EPHA6: variants seen among roughly 807,000 people sequenced by gnomAD.
EPHA6 encodes ephrin type-A receptor 6.
A neutral mutation model predicts 112.0 loss-of-function variants in EPHA6; 50 were observed. That is an observed-to-expected ratio of 0.45 (90% CI 0.36 to 0.56). The LOEUF (loss-of-function observed/expected upper bound fraction) is 0.56, where lower values mean the gene tolerates loss of function less well. EPHA6 is among the 20% of genes least tolerant of loss of function. EPHA6 has a pLI of 0.00. For synonymous variants in EPHA6, 529 were observed against 490.7 expected, an observed-to-expected ratio of 1.08 and a Z score of -1.03; for missense variants, 1,280 against 1,417.4, an observed-to-expected ratio of 0.90 and a Z score of 1.56.
chr3:97,513,409 G>T lies in EPHA6; in HGVS notation c.2201-18949G>T, dbSNP rs139296412. The stretch of plus-strand genomic sequence containing the variant: ...CACTATTCACAACAACCAAGATATT[G>T]AATCAACCTAAGTGTCCACCAACAG... On this transcript the variant is annotated intron_variant, in intron 10 of 17. Transcript: ENST00000389672. Among the ~76,000 whole-genome samples, 993 of 152,210 alleles carry T rather than the reference G, an allele frequency of 6.5e-3. 12 individuals are homozygous for T. The highest frequency in any genetic ancestry group is 0.022 in the African/African-American group (914 of 41,508).
intron 2 of EPHA6, among the ~76,000 whole-genome samples, chr3:96,897,256 G>A (rs2038331615): frequency 6.6e-6 from 1 of 150,746 alleles, no homozygotes; most frequent in South Asian, 2.1e-4. Flanking sequence ...TGTTTATCAA[G>A]GCTGTTCATG....
intron 1 of EPHA6, among the ~76,000 whole-genome samples, chr3:96,819,010 T>G (rs184673459): frequency 2.5e-4 from 38 of 152,094 alleles, no homozygotes; most frequent in African/African-American, 6.3e-4. Flanking sequence ...ATAAAATGTT[T>G]TTATGCAGTT....
At chr3:97,437,106 T>C (rs1423979969) in intron 6 of EPHA6, among the ~76,000 whole-genome samples, 2 of 152,068 alleles carry the variant, frequency 1.3e-5, no homozygotes, top group Non-Finnish European at 2.9e-5. Flanking sequence ...ATTTTATGTG[T>C]GGCCCAAGAC....
intron 5 of EPHA6, among the ~76,000 whole-genome samples, chr3:97,321,626 A>C (rs939750123): frequency 6.6e-6 from 1 of 151,964 alleles, no homozygotes; most frequent in African/African-American, 2.4e-5. Flanking sequence ...ATATCATCTG[A>C]AAATCTATCT....
intron 7 of EPHA6, among the ~76,000 whole-genome samples, chr3:97,461,161 A>G (rs925863116): frequency 1.3e-5 from 2 of 152,168 alleles, no homozygotes; most frequent in African/African-American, 4.8e-5. Flanking sequence ...AAGAAAAGGA[A>G]GAACTTATAC....
intron 2 of EPHA6, among the ~76,000 whole-genome samples, chr3:96,920,040 T>C (rs1576034725): frequency 6.6e-6 from 1 of 151,906 alleles, no homozygotes; most frequent in Admixed American, 6.6e-5. Context: ...CGAGATTTCT[T>C]AAAGACTACT....
chr3:97,655,222 C>T (rs1458372852), intron 14 of EPHA6, among the ~76,000 whole-genome samples: 3 of 151,240 alleles, frequency 2.0e-5, no homozygotes, highest in African/African-American at 7.3e-5. Context: ...ATGATTTACA[C>T]AAGTCACACG....
At chr3:97,637,515 GAAAGT>G (rs1021687026) in intron 13 of EPHA6, among the ~76,000 whole-genome samples, 4 of 152,024 alleles carry the variant, frequency 2.6e-5, no homozygotes, top group Non-Finnish European at 5.9e-5. Flanking sequence ...CACAGCTATG[GAAAGT>G]GGATTCTATT....
At chr3:97,033,209 A>G (rs1486396144) in intron 3 of EPHA6, among the ~76,000 whole-genome samples, 1 of 151,996 alleles carries the variant, frequency 6.6e-6, no homozygotes, top group Non-Finnish European at 1.5e-5. Flanking sequence ...TTTAAGCTTT[A>G]CTATGTGTAC....
intron 5 of EPHA6, among the ~76,000 whole-genome samples, chr3:97,312,686 T>A (rs1277897833): frequency 1.3e-5 from 2 of 151,520 alleles, no homozygotes; most frequent in Admixed American, 1.3e-4. Context: ...AGTTTTTTTT[T>A]AAATAAATGG....
chr3:96,907,858 G>A (rs1236234950), intron 2 of EPHA6, among the ~76,000 whole-genome samples: 2 of 151,844 alleles, frequency 1.3e-5, no homozygotes, highest in Non-Finnish European at 2.9e-5. Context: ...TGTTCTTTCT[G>A]TATGAGTTCA....
rs2093962983 is a variant in EPHA6 at position 97,637,885 on chromosome 3, C to G, written c.2587C>G (p.His863Asp). ...GATTCTCTTGCAGAAGCATGATGGC[C>G]ACTTCACAGTCATCCAGTTGGTCGG... ...LDSFLRKHDGHFTVIQLVGML... is the reference protein window; with the variant it reads ...LDSFLRKHDGDFTVIQLVGML... Residue 863 changes from histidine (H) to aspartate (D), a missense_variant, in exon 14 of 18, where the codon CAC becomes GAC. This residue lies in a region of EPHA6 where 878 missense variants were observed against 999.7 expected (regional missense o/e 0.88). Coordinates refer to ENST00000389672, the MANE Select transcript of EPHA6 (RefSeq NM_001080448.3). 1 of 1,613,582 alleles carries G rather than the reference C, an allele frequency of 6.2e-7. No individual in the cohort carries two copies. The highest frequency in any genetic ancestry group is 8.5e-7 in the Non-Finnish European group (1 of 1,179,674).
intron 3 of EPHA6, among the ~76,000 whole-genome samples, chr3:97,136,409 A>G (rs2075770804): frequency 6.6e-6 from 1 of 152,162 alleles, no homozygotes; most frequent in Non-Finnish European, 1.5e-5. Flanking sequence ...GTGTATTAGA[A>G]AAGGCTGAAT....
chr3:97,685,421 A>G (rs2032177832), intron 14 of EPHA6, among the ~76,000 whole-genome samples: 1 of 152,206 alleles, frequency 6.6e-6, no homozygotes, highest in Admixed American at 6.6e-5. Flanking sequence ...ATTACACTAC[A>G]GTGTCATATA....
intron 2 of EPHA6, among the ~76,000 whole-genome samples, chr3:96,888,279 G>A (rs995895690): frequency 2.0e-5 from 3 of 152,142 alleles, no homozygotes; most frequent in African/African-American, 4.8e-5. Context: ...CCCTACCACT[G>A]TATTTCGCTC....
intron 5 of EPHA6, among the ~76,000 whole-genome samples, chr3:97,298,283 G>A (rs1036879101): frequency 6.6e-6 from 1 of 152,060 alleles, no homozygotes; most frequent in African/African-American, 2.4e-5. Context: ...AAGCTTTCTG[G>A]TTAATTTCCA....
chr3:97,682,207 G>A (rs1421359687), intron 14 of EPHA6, among the ~76,000 whole-genome samples: 1 of 151,970 alleles, frequency 6.6e-6, no homozygotes, highest in East Asian at 1.9e-4. Flanking sequence ...TAAGCTATGA[G>A]GCAGTACCCA....
chr3:97,232,335 G>A (rs1314133620), intron 4 of EPHA6, among the ~76,000 whole-genome samples: 1 of 152,068 alleles, frequency 6.6e-6, no homozygotes, highest in East Asian at 1.9e-4. Flanking sequence ...AAAGAAAGCT[G>A]TTCTCTTACA....
chr3:97,338,484 C>A (rs924059937), intron 5 of EPHA6, among the ~76,000 whole-genome samples: 1 of 152,006 alleles, frequency 6.6e-6, no homozygotes, highest in Non-Finnish European at 1.5e-5. Context: ...TACTTGAATT[C>A]CAAACACGTT....
Sources: gnomAD v4.1 joint callset for allele counts (sites outside exome capture counted in the v4.1 genomes callset) on GRCh38, gnomAD v4.1.1 for gene constraint, gnomAD v4.1.1 regional missense constraint, MANE v1.5 for transcripts, NCBI Gene and HGNC (gene_info 2026-07-23, HGNC 2026-07-21) for gene names.